HS3ST2: variants seen among roughly 807,000 people sequenced by gnomAD.
HS3ST2 encodes heparan sulfate-glucosamine 3-sulfotransferase 2, also known as heparan sulfate glucosamine 3-O-sulfotransferase 2.
HS3ST2 carries 17 observed loss-of-function variants against 26.3 expected under a neutral mutation model. The ratio of observed to expected loss-of-function variants is 0.65; its 90% CI spans 0.44 to 0.97. The LOEUF is 0.97. Among genes scored for constraint, HS3ST2 ranks in the 50% least tolerant of loss-of-function variants. The pLI is 0.00. For missense variants in HS3ST2, 402 were observed against 501.2 expected (o/e 0.80, Z 1.89); for synonymous variants, 237 against 219.2 (o/e 1.08, Z -0.72).
chr16:22,914,864 G>A (rs1383851348), intron 1 of HS3ST2, 80 bp from the exon 2 acceptor site: 48 of 1,457,006 alleles, frequency 3.3e-5, no homozygotes, highest in Non-Finnish European at 4.4e-5. Flanking sequence ...AGGCCCCTGG[G>A]TGGAAGGGCT....
intron 1 of HS3ST2, among the ~76,000 whole-genome samples, chr16:22,894,728 C>T (rs1902182539): frequency 2.0e-5 from 3 of 150,312 alleles, no homozygotes; most frequent in Admixed American, 1.3e-4. Flanking sequence ...GGTGAGACTC[C>T]GTCTCTTAAA....
In HS3ST2 at chr16:22,915,483, T is replaced by G; in HGVS notation, c.1025T>G (p.Ile342Arg). The change falls in exon 2 of 2, where the codon ATA (isoleucine) becomes AGA (arginine). Residue 342 changes from isoleucine (I) to arginine (R), a missense_variant. Around this residue, in one of 2 missense-constraint regions of HS3ST2, gnomAD observed 237 missense variants for 346.6 expected, o/e 0.68. Coordinates refer to ENST00000261374, the MANE Select transcript of HS3ST2 (RefSeq NM_006043.2). The stretch of plus-strand genomic sequence containing the variant: ...CATGTACAGATTGATCCTGAAGTGA[T>G]AGACCAGCTCCGAGAATTTTATAGA... Reference protein sequence around the residue: ...RTHVQIDPEVIDQLREFYRPY... With the variant: ...RTHVQIDPEVRDQLREFYRPY... 1 of 1,614,068 alleles carries G rather than the reference T, an allele frequency of 6.2e-7. No individual in the cohort carries two copies. The highest frequency in any genetic ancestry group is 8.5e-7 in the Non-Finnish European group (1 of 1,180,006).
At chr16:22,908,758 G>T (rs754888983) in intron 1 of HS3ST2, among the ~76,000 whole-genome samples, 1 of 152,148 alleles carries the variant, frequency 6.6e-6, no homozygotes, top group African/African-American at 2.4e-5. Context: ...GGCAGAGCCC[G>T]CATGACCCAA....
chr16:22,908,704 T>A (rs940916497), intron 1 of HS3ST2, among the ~76,000 whole-genome samples: 18 of 152,268 alleles, frequency 1.2e-4, no homozygotes, highest in African/African-American at 4.3e-4. Flanking sequence ...AACACATTAA[T>A]CCTTTAATTC....
intron 1 of HS3ST2, among the ~76,000 whole-genome samples, chr16:22,890,636 T>A (rs1324029571): frequency 6.6e-6 from 1 of 152,132 alleles, no homozygotes; most frequent in Non-Finnish European, 1.5e-5. Flanking sequence ...ATTACAATAA[T>A]CCCAGGAGGT....
intron 1 of HS3ST2, among the ~76,000 whole-genome samples, chr16:22,839,736 C>G (rs1901325773): frequency 6.6e-6 from 1 of 151,992 alleles, no homozygotes; most frequent in Non-Finnish European, 1.5e-5. Context: ...ACGCGTCTTA[C>G]CCTCGTTTTG....
chr16:22,859,181 A>G (rs1218181631), intron 1 of HS3ST2, among the ~76,000 whole-genome samples: 2 of 152,068 alleles, frequency 1.3e-5, no homozygotes, highest in Admixed American at 1.3e-4. Context: ...AAATAAACAA[A>G]CGAACACTTT....
At chr16:22,866,973 G>A (rs534656161) in intron 1 of HS3ST2, among the ~76,000 whole-genome samples, 9 of 152,212 alleles carry the variant, frequency 5.9e-5, no homozygotes, top group Admixed American at 1.3e-4. Context: ...AAAAGAACAC[G>A]TTGACTTTTA....
chr16:22,896,792 T>A (rs1477818907), intron 1 of HS3ST2, among the ~76,000 whole-genome samples: 2 of 152,314 alleles, frequency 1.3e-5, no homozygotes, highest in Middle Eastern at 3.4e-3. Flanking sequence ...TTTCTTTCTT[T>A]TCTCTTCTTT....
At chr16:22,834,049 A>G (rs1428356063) in intron 1 of HS3ST2, among the ~76,000 whole-genome samples, 2 of 152,158 alleles carry the variant, frequency 1.3e-5, no homozygotes, top group Non-Finnish European at 2.9e-5. Context: ...ATAAATTTTG[A>G]AAGCTTACAC....
chr16:22,822,746 T>G (rs567735020), intron 1 of HS3ST2, among the ~76,000 whole-genome samples: 142 of 151,824 alleles, frequency 9.4e-4, no homozygotes, highest in African/African-American at 3.3e-3. Flanking sequence ...TCCCAGCTAC[T>G]TGGGAGGCTG....
At chr16:22,842,713 G>T (rs986246477) in intron 1 of HS3ST2, among the ~76,000 whole-genome samples, 1 of 151,950 alleles carries the variant, frequency 6.6e-6, no homozygotes, top group African/African-American at 2.4e-5. Context: ...CCTCCTGTTA[G>T]ACACATGTTA....
intron 1 of HS3ST2, among the ~76,000 whole-genome samples, chr16:22,866,978 C>T (rs1901766588): frequency 6.6e-6 from 1 of 152,092 alleles, no homozygotes; most frequent in Admixed American, 6.6e-5. Context: ...AACACGTTGA[C>T]TTTTAAAGTT....
At chr16:22,834,842 T>C (rs1229912126) in intron 1 of HS3ST2, among the ~76,000 whole-genome samples, 1 of 152,082 alleles carries the variant, frequency 6.6e-6, no homozygotes, top group Admixed American at 6.6e-5. Context: ...GTCAATCTAA[T>C]GCATGAAAAC....
chr16:22,883,047 A>T (rs1309820501), intron 1 of HS3ST2, among the ~76,000 whole-genome samples: 1 of 152,016 alleles, frequency 6.6e-6, no homozygotes, highest in Non-Finnish European at 1.5e-5. Context: ...AAAAAAAAAA[A>T]GATTCCCAGA....
chr16:22,887,674 G>A (rs1223911798), intron 1 of HS3ST2, among the ~76,000 whole-genome samples: 1 of 152,092 alleles, frequency 6.6e-6, no homozygotes, highest in Non-Finnish European at 1.5e-5. Flanking sequence ...CATGATGAAG[G>A]CTGTGACTCA....
At chr16:22,907,273 C>G (rs1261464752) in intron 1 of HS3ST2, among the ~76,000 whole-genome samples, 1 of 152,176 alleles carries the variant, frequency 6.6e-6, no homozygotes, top group Non-Finnish European at 1.5e-5. Context: ...GAAAGGTAGA[C>G]AAGGGCCTCA....
chr16:22,847,976 A>G (rs770839673), intron 1 of HS3ST2, among the ~76,000 whole-genome samples: 13 of 152,144 alleles, frequency 8.5e-5, no homozygotes, highest in Non-Finnish European at 1.8e-4. Context: ...TGAGAAAGAA[A>G]GAATTTGTTC....
chr16:22,880,411 T>G (rs1178131389), intron 1 of HS3ST2, among the ~76,000 whole-genome samples: 1 of 152,116 alleles, frequency 6.6e-6, no homozygotes, highest in Non-Finnish European at 1.5e-5. Flanking sequence ...AGTGAGACCT[T>G]GTCTCTAAAA....
Sources: gnomAD v4.1 joint callset for allele counts (sites outside exome capture counted in the v4.1 genomes callset) on GRCh38, gnomAD v4.1.1 for gene constraint, gnomAD v4.1.1 regional missense constraint, MANE v1.5 for transcripts, NCBI Gene and HGNC (gene_info 2026-07-23, HGNC 2026-07-21) for gene names.